The following ACBD6 variants were observed in gnomAD, a reference collection of about 807,000 sequenced individuals.
ACBD6 encodes acyl-CoA-binding domain-containing protein 6.
ACBD6 carries 28 observed loss-of-function variants against 37.2 expected under a neutral mutation model. That is an observed-to-expected ratio of 0.75 (90% CI 0.56 to 1.03). The LOEUF (loss-of-function observed/expected upper bound fraction) is 1.03. ACBD6 is among the 50% of genes least tolerant of loss of function. The probability of loss-of-function intolerance (pLI) is 0.00; values close to 1 mark genes in which losing one functional copy is unlikely to be tolerated. For synonymous variants in ACBD6, 113 were observed against 126.8 expected (o/e 0.89, Z 0.73); for missense variants, 340 against 337.4 (o/e 1.01, Z -0.06).
At chr1:180,307,892 G>C (rs1169653384) in intron 7 of ACBD6, among the ~76,000 whole-genome samples, 2 of 152,096 alleles carry the variant, frequency 1.3e-5, no homozygotes, top group Non-Finnish European at 2.9e-5. Context: ...GAGGCGGAGG[G>C]TGCAGTGAGT....
intron 6 of ACBD6, among the ~76,000 whole-genome samples, chr1:180,340,421 G>A (rs1380026729): frequency 6.6e-6 from 1 of 152,080 alleles, no homozygotes; most frequent in East Asian, 1.9e-4. Flanking sequence ...GATAAGAACA[G>A]GAAGAATGGT....
At chr1:180,284,952 G>A (rs977837311), downstream of ACBD6, among the ~76,000 whole-genome samples, 1 of 152,012 alleles carries the variant, frequency 6.6e-6, no homozygotes, top group African/African-American at 2.4e-5. Context: ...AGGAGTTCTA[G>A]ATCAGCCTGG....
rs987435740 is a variant in ACBD6, at chr1:180,397,696, A to C, written c.574-91T>G. 7.4e-6 allele frequency: 8 copies of C among 1,081,520 alleles called. No individual in the cohort carries two copies. In the African/African-American group the frequency reaches 1.3e-4, roughly 17 times the overall value. The allele number at this position is 1,081,520 out of a possible 1,614,324, so 67.0% of individuals were successfully genotyped here. A position where few individuals can be genotyped will look rare whatever the true frequency, so the allele number is the denominator to read the frequency against. ...TTTAAGAAAGACAAGGAAATATAAA[A>C]AATTATGGGTTAATTATTCTAAGAA... On this transcript the variant is annotated intron_variant, in intron 5 of 7. Coordinates refer to ENST00000367595, the MANE Select transcript of ACBD6 (RefSeq NM_032360.4).
At chr1:180,384,153 T>C (rs747005302) in intron 6 of ACBD6, among the ~76,000 whole-genome samples, 66 of 142,848 alleles carry the variant, frequency 4.6e-4, no homozygotes, top group Non-Finnish European at 5.7e-4. Context: ...AAAACAAAAA[T>C]AGCTAAATGA....
intron 3 of ACBD6, among the ~76,000 whole-genome samples, chr1:180,430,982 T>C (rs1328276438): frequency 6.6e-6 from 1 of 152,116 alleles, no homozygotes; most frequent in Admixed American, 6.6e-5. Context: ...ATTGACAGCG[T>C]TTAGTACAGG....
chr1:180,435,140 G>A, intron 3 of ACBD6: 1 of 718,322 alleles, frequency 1.4e-6, no homozygotes, highest in South Asian at 1.5e-5. Context: ...TCAAGACAGG[G>A]TACAAGCAGA....
intron 4 of ACBD6, among the ~76,000 whole-genome samples, chr1:180,419,137 G>T (rs1192748467): frequency 1.3e-5 from 2 of 152,190 alleles, no homozygotes; most frequent in Admixed American, 1.3e-4. Context: ...TGTAGTCCCA[G>T]CTACTTGGGA....
chr1:180,347,133 A>C (rs1013390606), intron 6 of ACBD6, among the ~76,000 whole-genome samples: 1 of 152,180 alleles, frequency 6.6e-6, no homozygotes, highest in African/African-American at 2.4e-5. Flanking sequence ...CTGCAGTGTT[A>C]GTAGTAAAGA....
chr1:180,306,006 C>T (rs1437164501), intron 7 of ACBD6, among the ~76,000 whole-genome samples: 7 of 150,178 alleles, frequency 4.7e-5, no homozygotes, highest in Non-Finnish European at 8.8e-5. Context: ...GGACAAAAAA[C>T]CAAACACCGC....
At chr1:180,443,199 C>A (rs1649349657) in intron 3 of ACBD6, among the ~76,000 whole-genome samples, 2 of 152,190 alleles carry the variant, frequency 1.3e-5, no homozygotes, top group African/African-American at 4.8e-5. Flanking sequence ...AAGGGCAAAG[C>A]AGCCTTTGAT....
intron 6 of ACBD6, among the ~76,000 whole-genome samples, chr1:180,325,298 AT>A (rs1558250367): frequency 6.6e-6 from 1 of 151,890 alleles, no homozygotes; most frequent in Non-Finnish European, 1.5e-5. Context: ...TCCTCTGTGT[AT>A]TTTTAAGTAG....
At chr1:180,469,963 A>G (rs1557883899) in intron 3 of ACBD6, among the ~76,000 whole-genome samples, 1 of 152,202 alleles carries the variant, frequency 6.6e-6, no homozygotes, top group Non-Finnish European at 1.5e-5. Flanking sequence ...AGCATAATAC[A>G]CTACTAATCT....
At chr1:180,489,004 CA>C in intron 3 of ACBD6, among the ~76,000 whole-genome samples, 1 of 152,144 alleles carries the variant, frequency 6.6e-6, no homozygotes, top group Non-Finnish European at 1.5e-5. Flanking sequence ...AAAGACAATA[CA>C]TGTAAAGAAC....
At chr1:180,329,958 C>G (rs1651414361) in intron 6 of ACBD6, among the ~76,000 whole-genome samples, 1 of 152,190 alleles carries the variant, frequency 6.6e-6, no homozygotes, top group Admixed American at 6.5e-5. Context: ...AGATAACTTT[C>G]TGACCAGCCC....
intron 6 of ACBD6, among the ~76,000 whole-genome samples, chr1:180,353,533 A>G (rs192628813): frequency 6.6e-6 from 1 of 152,246 alleles, no homozygotes; most frequent in Non-Finnish European, 1.5e-5. Context: ...AAATTTTGCT[A>G]GGCTGCAAAA....
intron 3 of ACBD6, among the ~76,000 whole-genome samples, chr1:180,445,257 T>A (rs1035818882): frequency 2.0e-5 from 3 of 152,204 alleles, no homozygotes. Context: ...TACAAGATGT[T>A]GTGATGTGGG....
chr1:180,468,581 T>C (rs1166305068), intron 3 of ACBD6, among the ~76,000 whole-genome samples: 3 of 152,202 alleles, frequency 2.0e-5, no homozygotes, highest in African/African-American at 2.4e-5. Context: ...ATTAGTGAGG[T>C]TGAACATCTT....
chr1:180,496,160 C>T (rs966638641), intron 1 of ACBD6, among the ~76,000 whole-genome samples: 3 of 151,996 alleles, frequency 2.0e-5, no homozygotes, highest in Admixed American at 6.6e-5. Context: ...AATCCTCAAC[C>T]GACATTTGTA....
intron 7 of ACBD6, among the ~76,000 whole-genome samples, chr1:180,314,131 GA>G (rs1251242890): frequency 2.0e-5 from 3 of 152,138 alleles, no homozygotes; most frequent in Admixed American, 2.0e-4. Context: ...AACTAAGAAT[GA>G]AATAATGAAT....
Sources: allele counts gnomAD v4.1 joint callset (sites outside exome capture counted in the v4.1 genomes callset), GRCh38; gene constraint gnomAD v4.1.1; transcripts MANE v1.5; gene names NCBI Gene and HGNC (gene_info 2026-07-23, HGNC 2026-07-21).